ZC3H12B: variants seen among roughly 807,000 people sequenced by gnomAD.
ZC3H12B encodes the protein zinc finger CCCH-type containing 12B.
Under a neutral mutation model 43.9 loss-of-function variants are expected in ZC3H12B, and 7 were observed. That is an observed-to-expected ratio of 0.16 (90% CI 0.09 to 0.30). The LOEUF (loss-of-function observed/expected upper bound fraction) is 0.30, where lower values mean the gene tolerates loss of function less well. ZC3H12B is among the 10% of genes least tolerant of loss of function. The pLI is 1.00. For missense variants in ZC3H12B, 475 were observed against 670.2 expected (o/e 0.71, Z 3.22); for synonymous variants, 222 against 241.7 (o/e 0.92, Z 0.76).
chrX:65,084,700 G>A, the ZC3H12B span, among the ~76,000 whole-genome samples: 1 of 112,768 alleles, frequency 8.9e-6, no homozygotes, highest in Non-Finnish European at 1.9e-5. Flanking sequence ...ATAGTTTGGA[G>A]GCTCCTCACA....
the ZC3H12B span, among the ~76,000 whole-genome samples, chrX:65,213,210 A>T: frequency 9.1e-6 from 1 of 110,172 alleles, no homozygotes; most frequent in Admixed American, 9.9e-5. Context: ...AAAATCTATC[A>T]GTGTGCCCAC....
chrX:65,268,607 T>G, the ZC3H12B span, among the ~76,000 whole-genome samples: 1 of 112,796 alleles, frequency 8.9e-6, no homozygotes, highest in African/African-American at 3.2e-5. Context: ...CATTAACATA[T>G]GCAAATCAAT....
intron 3 of ZC3H12B, chrX:65,408,355 A>G: frequency 1.7e-6 from 2 of 1,204,444 alleles, no homozygotes; most frequent in Non-Finnish European, 2.3e-6. Context: ...TTTGTGCACA[A>G]GTCATCCCAT....
intron 2 of ZC3H12B, among the ~76,000 whole-genome samples, chrX:65,379,355 C>T (rs187587836): frequency 0.049 from 5,415 of 110,928 alleles, 158 homozygotes; most frequent in Non-Finnish European, 0.081. Context: ...AGACGGACAC[C>T]TCACACGGCC....
At chrX:65,152,476 C>G in the ZC3H12B span, among the ~76,000 whole-genome samples, 2 of 111,257 alleles carry the variant, frequency 1.8e-5, no homozygotes, top group Non-Finnish European at 3.8e-5. Flanking sequence ...CTCCCATTCA[C>G]AACTTTATTC....
intron 3 of ZC3H12B, among the ~76,000 whole-genome samples, chrX:65,404,605 A>C (rs767623806): frequency 8.9e-6 from 1 of 111,928 alleles, no homozygotes; most frequent in South Asian, 3.7e-4. Context: ...AGAAGAGACA[A>C]AGAAAGTTAC....
chrX:65,238,408 G>A, the ZC3H12B span, among the ~76,000 whole-genome samples: 1 of 111,850 alleles, frequency 8.9e-6, no homozygotes, highest in Non-Finnish European at 1.9e-5. Flanking sequence ...ATTCTCTGAT[G>A]GTTGTTTGTA....
chrX:65,221,730 A>G, the ZC3H12B span, among the ~76,000 whole-genome samples: 1 of 111,185 alleles, frequency 9.0e-6, no homozygotes, highest in East Asian at 2.8e-4. Context: ...AAAATCCAGG[A>G]CTAGATGGAT....
chrX:65,149,116 C>T, the ZC3H12B span, among the ~76,000 whole-genome samples: 4 of 111,554 alleles, frequency 3.6e-5, no homozygotes, highest in African/African-American at 9.8e-5. Context: ...CCACACTATC[C>T]AACCTGTCTC....
the ZC3H12B span, among the ~76,000 whole-genome samples, chrX:65,265,465 C>T: frequency 8.9e-6 from 1 of 112,067 alleles, no homozygotes; most frequent in Non-Finnish European, 1.9e-5. Context: ...CTTTATACTA[C>T]TTCTCAGTAG....
At chrX:65,230,224 T>C in the ZC3H12B span, among the ~76,000 whole-genome samples, 9 of 111,543 alleles carry the variant, frequency 8.1e-5, no homozygotes, top group Non-Finnish European at 1.9e-5. Context: ...GATGAGTTCA[T>C]GTCCTTTGTA....
the ZC3H12B span, among the ~76,000 whole-genome samples, chrX:65,137,560 T>C: frequency 3.6e-5 from 4 of 112,383 alleles, no homozygotes; most frequent in African/African-American, 9.7e-5. Flanking sequence ...AATTTAATTT[T>C]ATATCACATC....
At chrX:65,342,173 G>T in the ZC3H12B span, among the ~76,000 whole-genome samples, 1 of 111,455 alleles carries the variant, frequency 9.0e-6, no homozygotes, top group Non-Finnish European at 1.9e-5. Context: ...ACAAAGAAGG[G>T]CATTACATGA....
the ZC3H12B span, among the ~76,000 whole-genome samples, chrX:65,115,044 T>G: frequency 4.9e-5 from 5 of 101,790 alleles, no homozygotes; most frequent in East Asian, 1.2e-3. Context: ...ACATGAAATT[T>G]TTATTTTTTT....
chrX:65,188,034 C>G, the ZC3H12B span, among the ~76,000 whole-genome samples: 1 of 111,386 alleles, frequency 9.0e-6, no homozygotes, highest in South Asian at 3.7e-4. Context: ...TTTTAGCACT[C>G]AGTAATATGT....
At chrX:65,052,828 C>T in the ZC3H12B span, among the ~76,000 whole-genome samples, 1 of 111,718 alleles carries the variant, frequency 9.0e-6, no homozygotes, top group South Asian at 3.8e-4. Context: ...TTCACTATCT[C>T]AATTTTTAGT....
the ZC3H12B span, among the ~76,000 whole-genome samples, chrX:65,131,719 G>T: frequency 9.0e-6 from 1 of 111,459 alleles, no homozygotes; most frequent in Non-Finnish European, 1.9e-5. Context: ...GAAGGTGTTG[G>T]GGTTTGGGAG....
At chrX:65,179,018 T>C in the ZC3H12B span, among the ~76,000 whole-genome samples, 1 of 111,986 alleles carries the variant, frequency 8.9e-6, no homozygotes, top group African/African-American at 3.2e-5. Flanking sequence ...CAAATGCCCA[T>C]CAATGATAGA....
At chrX:65,174,616 T>TTGC in the ZC3H12B span, among the ~76,000 whole-genome samples, 1 of 112,044 alleles carries the variant, frequency 8.9e-6, no homozygotes, top group African/African-American at 3.2e-5. Context: ...TCACAGCCGC[T>TTGC]TGCTGCGCTG....
Sources: allele counts gnomAD v4.1 joint callset (sites outside exome capture counted in the v4.1 genomes callset), GRCh38; gene constraint gnomAD v4.1.1; transcripts MANE v1.5; gene names NCBI Gene and HGNC (gene_info 2026-07-23, HGNC 2026-07-21).